The following C10orf90 variants were observed in gnomAD, a reference collection of about 807,000 sequenced individuals.
C10orf90 encodes (E2-independent) E3 ubiquitin-conjugating enzyme FATS.
A neutral mutation model predicts 62.5 loss-of-function variants in C10orf90; 56 were observed. The ratio of observed to expected loss-of-function variants is 0.90; its 90% confidence interval spans 0.72 to 1.12. The LOEUF (loss-of-function observed/expected upper bound fraction) is 1.12. C10orf90 is among the 50% of genes most tolerant of loss of function. The pLI is 0.00. For missense variants in C10orf90, 970 were observed against 880.4 expected (o/e 1.10, Z -1.29); for synonymous variants, 386 against 340.4 (o/e 1.13, Z -1.47).
intron 2 of C10orf90, among the ~76,000 whole-genome samples, chr10:126,643,662 C>T (rs1190569542): frequency 1.3e-5 from 2 of 152,156 alleles, no homozygotes; most frequent in African/African-American, 4.8e-5. Flanking sequence ...CTTTCTACAC[C>T]CCAGTGCCTC....
intron 2 of C10orf90, among the ~76,000 whole-genome samples, chr10:126,532,398 C>A (rs1864118117): frequency 6.6e-6 from 1 of 152,118 alleles, no homozygotes; most frequent in African/African-American, 2.4e-5. Context: ...CTCCCATTCC[C>A]TATCCTGTTT....
intron 2 of C10orf90, among the ~76,000 whole-genome samples, chr10:126,551,904 A>G (rs1864642221): frequency 6.6e-6 from 1 of 152,244 alleles, no homozygotes; most frequent in South Asian, 2.1e-4. Context: ...TTCATTTGCT[A>G]GAACAAGATA....
At chr10:126,634,591 TA>T (rs1428797484) in intron 2 of C10orf90, among the ~76,000 whole-genome samples, 7 of 152,050 alleles carry the variant, frequency 4.6e-5, no homozygotes, top group South Asian at 4.2e-4. Flanking sequence ...ATTGTACACT[TA>T]AAAAAAATCT....
chr10:126,619,562 G>T (rs908189717), intron 2 of C10orf90, among the ~76,000 whole-genome samples: 1 of 152,146 alleles, frequency 6.6e-6, no homozygotes, highest in South Asian at 2.1e-4. Context: ...AAATGTGTTG[G>T]TCATCAGATA....
At chr10:126,647,262 G>A (rs979951073) in intron 1 of C10orf90, among the ~76,000 whole-genome samples, 1 of 152,164 alleles carries the variant, frequency 6.6e-6, no homozygotes, top group Non-Finnish European at 1.5e-5. Flanking sequence ...GGGTTTGCCT[G>A]TCGTCCCTTG....
chr10:126,528,863 G>T (rs1381941670), intron 2 of C10orf90, among the ~76,000 whole-genome samples: 1 of 152,172 alleles, frequency 6.6e-6, no homozygotes, highest in Non-Finnish European at 1.5e-5. Context: ...TCAAACCTAG[G>T]TAGGCAGCAG....
intron 2 of C10orf90, among the ~76,000 whole-genome samples, chr10:126,593,849 A>G (rs1192374211): frequency 2.0e-5 from 3 of 152,080 alleles, no homozygotes; most frequent in Non-Finnish European, 4.4e-5. Context: ...AGGGTGTATC[A>G]TATTTATGCT....
chr10:126,463,001 C>T (rs577601618), intron 5 of C10orf90, among the ~76,000 whole-genome samples: 6 of 152,228 alleles, frequency 3.9e-5, no homozygotes, highest in South Asian at 2.1e-4. Context: ...TGGAAAAGAG[C>T]GACTACTCTG....
chr10:126,455,432 A>G (rs1478060557), intron 7 of C10orf90, among the ~76,000 whole-genome samples: 1 of 152,064 alleles, frequency 6.6e-6, no homozygotes, highest in Non-Finnish European at 1.5e-5. Context: ...AACTCCTTTC[A>G]TGGCACTCTG....
chr10:126,589,685 T>C (rs1284946874), intron 2 of C10orf90, among the ~76,000 whole-genome samples: 4 of 152,160 alleles, frequency 2.6e-5, no homozygotes, highest in East Asian at 1.9e-4. Context: ...CAGGCCTGCC[T>C]TGTAAGAGCT....
chr10:126,614,870 TG>T (rs773936569), intron 2 of C10orf90, among the ~76,000 whole-genome samples: 4 of 152,328 alleles, frequency 2.6e-5, no homozygotes, highest in Non-Finnish European at 5.9e-5. Context: ...ATGCCGCTAT[TG>T]GGTTCAGTTG....
intron 2 of C10orf90, among the ~76,000 whole-genome samples, chr10:126,561,167 A>C (rs900118389): frequency 6.6e-6 from 1 of 152,210 alleles, no homozygotes; most frequent in African/African-American, 2.4e-5. Flanking sequence ...AAGGTACCAT[A>C]ACAGCTGGAA....
intron 2 of C10orf90, among the ~76,000 whole-genome samples, chr10:126,533,763 C>T (rs748673983): frequency 6.2e-4 from 94 of 152,220 alleles, no homozygotes; most frequent in Non-Finnish European, 8.8e-5. Flanking sequence ...ATACACATCA[C>T]GCTCACTTTA....
intron 2 of C10orf90, among the ~76,000 whole-genome samples, chr10:126,523,268 G>C (rs1231084296): frequency 2.0e-5 from 3 of 151,974 alleles, no homozygotes; most frequent in African/African-American, 7.3e-5. Context: ...GACAGAGCAG[G>C]GGCACCAGAC....
chr10:126,595,153 T>C (rs1433652889), intron 2 of C10orf90, among the ~76,000 whole-genome samples: 1 of 152,204 alleles, frequency 6.6e-6, no homozygotes. Context: ...ATTCCAACTC[T>C]CACTGTGCAA....
intron 3 of C10orf90, among the ~76,000 whole-genome samples, chr10:126,510,977 C>A (rs1863072399): frequency 6.6e-6 from 1 of 152,196 alleles, no homozygotes; most frequent in Non-Finnish European, 1.5e-5. Context: ...GAATTTTTCC[C>A]CATTGCTGCT....
At chr10:126,598,025 G>A (rs2134036774) in intron 2 of C10orf90, among the ~76,000 whole-genome samples, 1 of 152,224 alleles carries the variant, frequency 6.6e-6, no homozygotes, top group Middle Eastern at 3.4e-3. Flanking sequence ...CATAAGACCT[G>A]GCCAAATGCC....
At chr10:126,471,042 G>T (rs927319953) in intron 4 of C10orf90, among the ~76,000 whole-genome samples, 3 of 152,190 alleles carry the variant, frequency 2.0e-5, no homozygotes, top group Non-Finnish European at 4.4e-5. Flanking sequence ...TAGTGGCATT[G>T]CAGCCCAGGA....
intron 1 of C10orf90, among the ~76,000 whole-genome samples, chr10:126,654,627 A>C (rs973996083): frequency 9.2e-5 from 14 of 152,226 alleles, no homozygotes; most frequent in Middle Eastern, 6.8e-3. Flanking sequence ...TAGCACTTTT[A>C]ATTTCCTTCA....
Sources: gnomAD v4.1 joint callset for allele counts (sites outside exome capture counted in the v4.1 genomes callset) on GRCh38, gnomAD v4.1.1 for gene constraint, MANE v1.5 for transcripts, NCBI Gene and HGNC (gene_info 2026-07-23, HGNC 2026-07-21) for gene names.